Variants in ZNF112 observed in about 807,000 individuals in gnomAD.
ZNF112 encodes zinc finger protein 112 (Y14).
Under a neutral mutation model 77.7 loss-of-function variants are expected in ZNF112, and 37 were observed. That is an observed-to-expected ratio of 0.48 (90% confidence interval 0.37 to 0.63). The LOEUF (loss-of-function observed/expected upper bound fraction) is 0.63, where lower values mean the gene tolerates loss of function less well. Ranked by LOEUF, ZNF112 falls within the 20% of genes least tolerant of loss-of-function variation. The probability of loss-of-function intolerance (pLI) is 0.00; values close to 1 mark genes in which losing one functional copy is unlikely to be tolerated. For missense variants in ZNF112, 950 were observed against 1,077.4 expected, an observed-to-expected ratio of 0.88 and a Z score of 1.66; for synonymous variants, 333 against 363.6, an observed-to-expected ratio of 0.92 and a Z score of 0.96.
intron 1 of ZNF112, among the ~76,000 whole-genome samples, chr19:44,362,636 C>T (rs1970865387): frequency 6.6e-6 from 1 of 151,624 alleles, no homozygotes. Flanking sequence ...GTCCACAGAC[C>T]GTCTTCCTAG....
chr19:44,333,232 T>C (rs1970302158), intron 3 of ZNF112, among the ~76,000 whole-genome samples: 2 of 152,224 alleles, frequency 1.3e-5, no homozygotes. Context: ...TAGTTAGCTA[T>C]AATGAACTCA....
chr19:44,350,392 A>AT (rs976947783), intron 1 of ZNF112, among the ~76,000 whole-genome samples: 5 of 151,930 alleles, frequency 3.3e-5, no homozygotes, highest in Admixed American at 6.6e-5. Flanking sequence ...TTTTATTGTG[A>AT]TTTTTTTTAA....
At chr19:44,349,713 A>C (rs1207168399) in intron 1 of ZNF112, among the ~76,000 whole-genome samples, 1 of 152,112 alleles carries the variant, frequency 6.6e-6, no homozygotes, top group Non-Finnish European at 1.5e-5. Context: ...AAGCAAGGAA[A>C]GTAATTTACC....
intron 1 of ZNF112, among the ~76,000 whole-genome samples, chr19:44,345,501 T>C (rs1970572132): frequency 6.6e-6 from 1 of 152,196 alleles, no homozygotes; most frequent in South Asian, 2.1e-4. Flanking sequence ...TGATCACCTT[T>C]ATCAAGCAGG....
rs1346816754 is a variant in ZNF112 at position 44,329,654 on chromosome 19, T to C, written c.503A>G (p.Tyr168Cys). The change falls in exon 4 of 4, where the codon TAT (tyrosine) becomes TGT (cysteine). Residue 168 changes from tyrosine to cysteine, a missense_variant. By Grantham distance (194) the Tyr-to-Cys change is radical (BLOSUM62 -2). Around this residue, in one of 3 missense-constraint regions of ZNF112, gnomAD observed 560 missense variants for 557.3 expected, o/e 1.00. Transcript: ENST00000354340. ...NGSNYIKSQG[Y>C]PSWRAHHSWR... ...AGAATGATGTGCCCTCCAAGATGGATACCCTTGACTTTTTATATAATTGGA... is the reference window on the plus strand; with the variant it reads ...AGAATGATGTGCCCTCCAAGATGGACACCCTTGACTTTTTATATAATTGGA... 5 of 1,614,174 alleles carry C rather than the reference T, an allele frequency of 3.1e-6. No homozygotes were observed. The highest frequency in any genetic ancestry group is 1.1e-5 in the South Asian group (1 of 91,080).
At chr19:44,358,076 C>T (rs1016999682), upstream of ZNF112, among the ~76,000 whole-genome samples, 35 of 147,678 alleles carry the variant, frequency 2.4e-4, no homozygotes, top group Non-Finnish European at 3.3e-4. Context: ...GGCGTGAACC[C>T]GGGAGGCGGA....
chr19:44,344,453 C>T (rs764985580), intron 1 of ZNF112, among the ~76,000 whole-genome samples: 14 of 152,194 alleles, frequency 9.2e-5, no homozygotes, highest in Admixed American at 2.6e-4. Flanking sequence ...AAGAGAGGTG[C>T]ACTACTCCAG....
chr19:44,360,908 C>T (rs1359009743), upstream of ZNF112, among the ~76,000 whole-genome samples: 13 of 152,272 alleles, frequency 8.5e-5, 1 homozygote. Context: ...TAAGAATGTT[C>T]ATAGCAGGAT....
intron 1 of ZNF112, among the ~76,000 whole-genome samples, chr19:44,364,082 G>T (rs1416913027): frequency 6.6e-6 from 1 of 152,020 alleles, no homozygotes; most frequent in Non-Finnish European, 1.5e-5. Context: ...GCTAATTTTT[G>T]TATTTTTAGT....
At chr19:44,350,552 A>C (rs962373012) in intron 1 of ZNF112, among the ~76,000 whole-genome samples, 1 of 152,082 alleles carries the variant, frequency 6.6e-6, no homozygotes, top group Admixed American at 6.6e-5. Context: ...AAGGCAAAAC[A>C]GTACTTATTT....
intron 2 of ZNF112, among the ~76,000 whole-genome samples, chr19:44,337,417 A>AT (rs1208009054): frequency 6.4e-5 from 3 of 46,736 alleles, no homozygotes; most frequent in African/African-American, 2.3e-4. Context: ...TATATATAAT[A>AT]ATATATATTA....
Position 44,363,537 on chromosome 19 carries a change from C to A in ZNF112, c.17+3544G>T, listed in dbSNP as rs1473991399. ...ATTTTAGAATATGAAATATATGGAA[C>A]CATACGGTAAGAACTCTTCTGTATT... is the stretch of plus-strand genomic sequence containing the variant. On this transcript the variant is annotated intron_variant, in intron 1 of 4. Transcript: ENST00000588057. Among the ~76,000 whole-genome samples, 3 of 152,152 alleles carry A rather than the reference C, an allele frequency of 2.0e-5. No homozygotes were observed. The East Asian group carries it at 5.8e-4, about 29-fold the overall frequency.
At chr19:44,350,755 G>A (rs1970676128) in intron 1 of ZNF112, among the ~76,000 whole-genome samples, 1 of 152,062 alleles carries the variant, frequency 6.6e-6, no homozygotes, top group Non-Finnish European at 1.5e-5. Context: ...TTCAGACCTT[G>A]ATGCAAGCGC....
intron 2 of ZNF112, among the ~76,000 whole-genome samples, chr19:44,337,907 C>A: frequency 7.4e-6 from 1 of 134,848 alleles, no homozygotes; most frequent in Non-Finnish European, 1.6e-5. Flanking sequence ...GACAAAGAAA[C>A]ATAGATCATA....
chr19:44,330,941 G>A (rs887165722), intron 3 of ZNF112, among the ~76,000 whole-genome samples: 13 of 152,138 alleles, frequency 8.5e-5, no homozygotes, highest in Middle Eastern at 3.2e-3. Flanking sequence ...TACTGTGTGC[G>A]TTAAATGATA....
At chr19:44,358,631 C>A (rs1351834158), upstream of ZNF112, among the ~76,000 whole-genome samples, 1 of 152,162 alleles carries the variant, frequency 6.6e-6, no homozygotes, top group African/African-American at 2.4e-5. Context: ...AAATTCGCAT[C>A]TTTTCAAGTG....
intron 3 of ZNF112, among the ~76,000 whole-genome samples, chr19:44,332,622 A>G (rs181669632): frequency 1.3e-5 from 2 of 152,342 alleles, no homozygotes; most frequent in Non-Finnish European, 2.9e-5. Context: ...ACAGTTTAAT[A>G]TGTCCTGTCT....
chr19:44,345,198 G>A (rs1173033070), intron 1 of ZNF112, among the ~76,000 whole-genome samples: 1 of 152,178 alleles, frequency 6.6e-6, no homozygotes, highest in Non-Finnish European at 1.5e-5. Context: ...TGACTACAGT[G>A]TGCAGAGAGG....
intron 1 of ZNF112, among the ~76,000 whole-genome samples, chr19:44,352,228 T>C (rs1404746289): frequency 6.6e-6 from 1 of 152,106 alleles, no homozygotes; most frequent in Non-Finnish European, 1.5e-5. Context: ...AAATTTCTAC[T>C]ATAAGTAGAT....
Sources: allele counts gnomAD v4.1 joint callset (sites outside exome capture counted in the v4.1 genomes callset), GRCh38; gene constraint gnomAD v4.1.1; regional missense constraint gnomAD v4.1.1; transcripts MANE v1.5; gene names NCBI Gene and HGNC (gene_info 2026-07-23, HGNC 2026-07-21).